Variants in CEP83 observed in about 807,000 individuals in gnomAD.
CEP83 encodes centrosomal protein 83.
In CEP83, 70 loss-of-function variants were observed where a neutral mutation model predicts 101.9. The observed-to-expected ratio is 0.69, with a 90% CI of 0.57 to 0.84. CEP83 has a LOEUF of 0.84. Among genes scored for constraint, CEP83 ranks in the 40% least tolerant of loss-of-function variants. The pLI is 0.00. For synonymous variants in CEP83, 264 were observed against 267.9 expected, an observed-to-expected ratio of 0.99 and a Z score of 0.14; for missense variants, 715 against 787.2, an observed-to-expected ratio of 0.91 and a Z score of 1.10.
At chr12:94,266,495 A>C in the CEP83 span, among the ~76,000 whole-genome samples, 1 of 152,244 alleles carries the variant, frequency 6.6e-6, no homozygotes, top group Admixed American at 6.5e-5. Context: ...GCTAGGCAGC[A>C]TGCTGGAGTT....
In CEP83 at chr12:94,367,839, G is replaced by A. The variant is rs774502240; in HGVS notation, c.1298C>T (p.Ser433Leu). 3 of 1,613,326 alleles carry A rather than the reference G, an allele frequency of 1.9e-6. No homozygotes were observed. The highest frequency in any genetic ancestry group is 4.5e-5 in the East Asian group (2 of 44,846). The part of the protein sequence containing the change: ...KDQYEEKLRA[S>L]QMAEEITRKE... ...CCTGGTGATCTCTTCTGCCATCTGTGAAGCCCGCAATTTCTCTTCATACTG... is the reference window on the plus strand; with the variant it reads ...CCTGGTGATCTCTTCTGCCATCTGTAAAGCCCGCAATTTCTCTTCATACTG... The change falls in exon 11 of 17, where the codon TCA becomes TTA. Residue 433 changes from serine to leucine, a missense_variant. Coordinates refer to ENST00000397809, the MANE Select transcript of CEP83 (RefSeq NM_016122.3).
chr12:94,388,372 G>A (rs1204745389), intron 6 of CEP83, among the ~76,000 whole-genome samples: 1 of 152,194 alleles, frequency 6.6e-6, no homozygotes, highest in African/African-American at 2.4e-5. Context: ...TTGTAAGTGG[G>A]AGCTAAACAC....
the CEP83 span, among the ~76,000 whole-genome samples, chr12:94,291,062 T>C: frequency 6.6e-6 from 1 of 152,200 alleles, no homozygotes. Context: ...GATTTGCGAG[T>C]GCCCATCAGG....
chr12:94,276,160 G>A, the CEP83 span, among the ~76,000 whole-genome samples: 1 of 152,278 alleles, frequency 6.6e-6, no homozygotes, highest in East Asian at 1.9e-4. Context: ...ATAGAATGCT[G>A]TTTCACAAAT....
chr12:94,268,582 T>C, the CEP83 span, among the ~76,000 whole-genome samples: 1 of 135,368 alleles, frequency 7.4e-6, no homozygotes, highest in African/African-American at 2.7e-5. Context: ...TGGAAGAGAA[T>C]AAGACCTTTT....
chr12:94,343,475 T>TAAAAAGG (rs1565947793), intron 11 of CEP83, among the ~76,000 whole-genome samples: 1 of 44,976 alleles, frequency 2.2e-5, no homozygotes, highest in East Asian at 4.9e-4. Flanking sequence ...ATTAACTTTT[T>TAAAAAGG]TTTTTTTTTT....
At chr12:94,272,930 C>A in the CEP83 span, among the ~76,000 whole-genome samples, 1 of 152,194 alleles carries the variant, frequency 6.6e-6, no homozygotes, top group Non-Finnish European at 1.5e-5. Flanking sequence ...TTCATTGAGG[C>A]CTTCAAGCAG....
chr12:94,333,272 C>T (rs1435808032), intron 13 of CEP83, among the ~76,000 whole-genome samples: 2 of 151,852 alleles, frequency 1.3e-5, no homozygotes, highest in Non-Finnish European at 2.9e-5. Context: ...ATTTTAATGT[C>T]TTAATTTTTT....
At position 94,312,330 on chromosome 12, in the gene CEP83, T is replaced by C. The variant is rs188658060; in HGVS notation, c.1811+584A>G. Among the ~76,000 whole-genome samples, 3 of 152,286 alleles carry C rather than the reference T, an allele frequency of 2.0e-5. No individual in the cohort carries two copies. The East Asian group carries it at 5.8e-4, about 29-fold the overall frequency. ...TGCATGATATTATAGGCAGTTTCCA[T>C]TACAGAAAAATCTATACTTGAATAG... On this transcript the variant is annotated intron_variant, in intron 15 of 16. Coordinates refer to ENST00000397809, the MANE Select transcript of CEP83 (RefSeq NM_016122.3).
chr12:94,321,315 C>T (rs1019307786), intron 14 of CEP83, among the ~76,000 whole-genome samples: 1 of 152,150 alleles, frequency 6.6e-6, no homozygotes, highest in African/African-American at 2.4e-5. Flanking sequence ...TTTTGCCATT[C>T]TCCTGAATCT....
At position 94,375,969 on chromosome 12, in the gene CEP83, G is replaced by A; in HGVS notation, c.850C>T (p.Leu284=). The A allele has an allele frequency of 6.4e-7, 1 of 1,569,010 alleles. No individual in the cohort carries two copies. The highest frequency in any genetic ancestry group is 8.7e-7 in the Non-Finnish European group (1 of 1,151,856). Residue 284 remains leucine (L), a synonymous_variant, in exon 8 of 17, where the codon CTA becomes TTA. Coordinates refer to ENST00000397809, the MANE Select transcript of CEP83 (RefSeq NM_016122.3). ...NLRAERLEKE[L]QSSSEQNTFL... is the part of the protein sequence containing the mutation. ...GTATTTTGTTCACTGCTTGATTGTA[G>A]CTCTTTTTCCAAACGTTCTGCCCGT...
chr12:94,300,794 C>A, the CEP83 span: 3 of 823,918 alleles, frequency 3.6e-6, no homozygotes, highest in Non-Finnish European at 5.5e-6. Flanking sequence ...TTTGGCTAAG[C>A]AGAGTTGTAT....
chr12:94,355,529 A>C (rs2060424070), intron 11 of CEP83, among the ~76,000 whole-genome samples: 1 of 152,222 alleles, frequency 6.6e-6, no homozygotes, highest in Non-Finnish European at 1.5e-5. Flanking sequence ...AACAAAGCCC[A>C]AAGTTAGTAG....
the CEP83 span, among the ~76,000 whole-genome samples, chr12:94,272,943 G>A: frequency 6.6e-6 from 1 of 152,198 alleles, no homozygotes; most frequent in Admixed American, 6.5e-5. Context: ...TCAAGCAGAG[G>A]GGAACTGCCC....
At chr12:94,285,355 AC>A in the CEP83 span, among the ~76,000 whole-genome samples, 2 of 152,304 alleles carry the variant, frequency 1.3e-5, no homozygotes, top group East Asian at 3.9e-4. Context: ...GACAGAGAAC[AC>A]CCATCCTTGG....
rs68054671 is a variant in CEP83, at chr12:94,400,631, CA to C, written c.549+218del. On this transcript the variant is annotated intron_variant, in intron 6 of 16. Coordinates refer to ENST00000397809, the MANE Select transcript of CEP83 (RefSeq NM_016122.3). ...AAGTTGTCTATCTCCATTGGCTGGA[CA>C]AAATAAAGGATAAATAGAATTTAAA... 0.096 allele frequency among the ~76,000 whole-genome samples: 14,560 copies of C among 150,924 alleles called. 793 individuals are homozygous for C. The highest frequency in any genetic ancestry group is 0.15 in the Admixed American group (2,257 of 15,188).
chr12:94,396,999 T>C (rs1278322263), intron 6 of CEP83, among the ~76,000 whole-genome samples: 3 of 152,226 alleles, frequency 2.0e-5, no homozygotes, highest in Non-Finnish European at 4.4e-5. Flanking sequence ...GTTTTACTGT[T>C]TTTGTATATA....
At chr12:94,454,175 C>A (rs903004718) in intron 1 of CEP83, among the ~76,000 whole-genome samples, 4 of 151,818 alleles carry the variant, frequency 2.6e-5, no homozygotes, top group African/African-American at 7.3e-5. Context: ...AGAAGTAATA[C>A]AAAAATGTTA....
chr12:94,331,686 T>C lies in CEP83; in HGVS notation c.1707+14A>G, dbSNP rs1380328375. On this transcript the variant is annotated intron_variant, in intron 14 of 16. Coordinates refer to ENST00000397809, the MANE Select transcript of CEP83 (RefSeq NM_016122.3). ...CATGCCTGGCCAGAGATCACTTTAA[T>C]AAGAACCACTTGCCTTTTTCTGGGC... 2.5e-6 allele frequency: 4 copies of C among 1,612,884 alleles called. No individual in the cohort carries two copies. The highest frequency in any genetic ancestry group is 4.5e-5 in the East Asian group (2 of 44,840).
Sources: gnomAD v4.1 joint callset for allele counts (sites outside exome capture counted in the v4.1 genomes callset) on GRCh38, gnomAD v4.1.1 for gene constraint, MANE v1.5 for transcripts, NCBI Gene and HGNC (gene_info 2026-07-23, HGNC 2026-07-21) for gene names.